Variants in MGAT4C observed in about 807,000 individuals in gnomAD.
The protein encoded by MGAT4C is MGAT4 family member C.
MGAT4C carries 19 observed loss-of-function variants against 40.1 expected under a neutral mutation model. The observed-to-expected ratio is 0.47, with a 90% CI of 0.33 to 0.70. The LOEUF is 0.70. MGAT4C is among the 30% of genes least tolerant of loss of function. MGAT4C has a pLI of 0.02. For missense variants in MGAT4C, 491 were observed against 563.2 expected, an observed-to-expected ratio of 0.87 and a Z score of 1.30; for synonymous variants, 181 against 187.1, an observed-to-expected ratio of 0.97 and a Z score of 0.27.
intron 2 of MGAT4C, among the ~76,000 whole-genome samples, chr12:86,454,298 A>G (rs551691250): frequency 1.3e-5 from 2 of 151,922 alleles, no homozygotes; most frequent in Non-Finnish European, 2.9e-5. Context: ...CATGATCACC[A>G]CTCACTGCAG....
chr12:86,345,801 T>C (rs1019143373), intron 3 of MGAT4C, among the ~76,000 whole-genome samples: 3 of 152,214 alleles, frequency 2.0e-5, no homozygotes, highest in Admixed American at 6.5e-5. Context: ...ATGGTATTTC[T>C]AGTTCTAGAT....
chr12:86,579,222 CT>C (rs1231372310), intron 2 of MGAT4C, among the ~76,000 whole-genome samples: 1 of 151,338 alleles, frequency 6.6e-6, no homozygotes, highest in African/African-American at 2.4e-5. Flanking sequence ...GTGGTCTTCT[CT>C]TCCTCCTTTC....
At chr12:86,130,586 T>C (rs1022444818) in intron 1 of MGAT4C, among the ~76,000 whole-genome samples, 1 of 152,062 alleles carries the variant, frequency 6.6e-6, no homozygotes, top group African/African-American at 2.4e-5. Context: ...AGAAAGCTGA[T>C]ACAAATTCAT....
chr12:86,214,373 A>C (rs927356206), intron 1 of MGAT4C, among the ~76,000 whole-genome samples: 1 of 152,126 alleles, frequency 6.6e-6, no homozygotes, highest in Non-Finnish European at 1.5e-5. Flanking sequence ...AATATTTGTC[A>C]TTATCTGATT....
At chr12:86,112,437 T>C (rs543255250) in intron 1 of MGAT4C, among the ~76,000 whole-genome samples, 4 of 151,820 alleles carry the variant, frequency 2.6e-5, no homozygotes, top group African/African-American at 9.6e-5. Context: ...ATACCAATAG[T>C]GGCAGACAGC....
chr12:86,061,470 T>A (rs1334020524), intron 1 of MGAT4C, among the ~76,000 whole-genome samples: 1 of 59,264 alleles, frequency 1.7e-5, no homozygotes, highest in Non-Finnish European at 3.1e-5. Flanking sequence ...GGAGTTTTTT[T>A]TTTGTTTTTT....
Position 85,958,777 on chromosome 12 carries a change from G to C in MGAT4C, c.*20512C>G, listed in dbSNP as rs1592572664. The C allele has an allele frequency of 6.6e-6, 1 of 151,776 alleles. No homozygotes were observed. Among genetic ancestry groups the C allele is most frequent in the Non-Finnish European group, 1.5e-5 (1 of 67,918 alleles). 9.4% of individuals were successfully genotyped at this position (151,776 alleles called of 1,614,324 possible). A position where few individuals can be genotyped will look rare whatever the true frequency, so the allele number is the denominator to read the frequency against. ...AAAGATTAACTGTTACTAAATTAAA[G>C]CTCCTTCAAAAACATAAATGTATTC... On this transcript the variant is annotated 3_prime_UTR_variant, in exon 5 of 5. Coordinates refer to ENST00000611864, the MANE Select transcript of MGAT4C (RefSeq NM_001351288.2).
chr12:85,979,360 T>TGTCACCTG lies in MGAT4C; in HGVS notation c.1365_1366insCAGGTGAC (p.Met456GlnfsTer4). 6.2e-7 allele frequency: 1 copy of TGTCACCTG among 1,612,666 alleles called. No individual in the cohort carries two copies. Among genetic ancestry groups the TGTCACCTG allele is most frequent in the Non-Finnish European group, 8.5e-7 (1 of 1,179,104 alleles). On this transcript the variant is annotated frameshift_variant, in exon 5 of 5. Transcript: ENST00000611864. LOFTEE classifies it high-confidence loss of function. Reference sequence around the variant, plus strand: ...TGTGTTTTGGTGACATATATCCTCATACAATGTATATCAAATGGAATTTTT... The same window carrying TGTCACCTG: ...TGTGTTTTGGTGACATATATCCTCATGTCACCTGACAATGTATATCAAATGGAATTTTT...
chr12:86,463,019 T>A (rs764338718), intron 2 of MGAT4C, among the ~76,000 whole-genome samples: 6 of 152,080 alleles, frequency 3.9e-5, no homozygotes, highest in Non-Finnish European at 8.8e-5. Context: ...CAACCTCCAT[T>A]TGTAGTGACT....
At chr12:86,077,506 T>G (rs1432834959) in intron 1 of MGAT4C, among the ~76,000 whole-genome samples, 1 of 152,210 alleles carries the variant, frequency 6.6e-6, no homozygotes, top group African/African-American at 2.4e-5. Flanking sequence ...GAAATACTCA[T>G]GACAATTACA....
At chr12:86,074,707 G>T (rs928418322) in intron 1 of MGAT4C, among the ~76,000 whole-genome samples, 3 of 152,118 alleles carry the variant, frequency 2.0e-5, no homozygotes, top group Non-Finnish European at 4.4e-5. Flanking sequence ...CCACGTGGCT[G>T]GGGAAGCCTC....
intron 1 of MGAT4C, among the ~76,000 whole-genome samples, chr12:86,168,091 A>G (rs1329451890): frequency 1.3e-5 from 2 of 152,332 alleles, no homozygotes; most frequent in African/African-American, 2.4e-5. Context: ...TGTTCTCTTT[A>G]TCAAATATCA....
intron 4 of MGAT4C, among the ~76,000 whole-genome samples, chr12:86,322,553 T>C (rs1208715623): frequency 1.3e-5 from 2 of 151,980 alleles, no homozygotes; most frequent in East Asian, 1.9e-4. Context: ...ATTTATTGTT[T>C]AGAAAAAAAT....
intron 1 of MGAT4C, among the ~76,000 whole-genome samples, chr12:86,174,463 A>G (rs1484614506): frequency 6.6e-6 from 1 of 152,150 alleles, no homozygotes; most frequent in African/African-American, 2.4e-5. Context: ...GCTTACTGAA[A>G]GGTTAAATGT....
At chr12:86,383,956 G>C (rs961439933) in intron 3 of MGAT4C, among the ~76,000 whole-genome samples, 1 of 152,102 alleles carries the variant, frequency 6.6e-6, no homozygotes, top group Non-Finnish European at 1.5e-5. Context: ...TTGTGGGAGG[G>C]ATCTGGTGGG....
chr12:86,479,000 T>C (rs1326956812), intron 2 of MGAT4C, among the ~76,000 whole-genome samples: 3 of 152,104 alleles, frequency 2.0e-5, no homozygotes, highest in Non-Finnish European at 4.4e-5. Context: ...GAAGGACACG[T>C]GACTTTTTTA....
At chr12:86,465,827 T>C (rs1160612780) in intron 2 of MGAT4C, among the ~76,000 whole-genome samples, 1 of 152,158 alleles carries the variant, frequency 6.6e-6, no homozygotes, top group African/African-American at 2.4e-5. Flanking sequence ...TGGCAATTTT[T>C]GGTAAAACTA....
chr12:86,525,364 G>C (rs553577487), intron 2 of MGAT4C, among the ~76,000 whole-genome samples: 3 of 152,164 alleles, frequency 2.0e-5, no homozygotes, highest in Non-Finnish European at 4.4e-5. Context: ...CATGGAACTG[G>C]AAGTTGATTA....
chr12:86,176,799 G>A (rs1887488862), intron 1 of MGAT4C, among the ~76,000 whole-genome samples: 2 of 146,512 alleles, frequency 1.4e-5, no homozygotes, highest in African/African-American at 5.1e-5. Flanking sequence ...TTAGGGTGAG[G>A]CCAAATTATA....
Sources: gnomAD v4.1 joint callset for allele counts (sites outside exome capture counted in the v4.1 genomes callset) on GRCh38, gnomAD v4.1.1 for gene constraint, MANE v1.5 for transcripts, NCBI Gene and HGNC (gene_info 2026-07-23, HGNC 2026-07-21) for gene names.